Variants in NET1 observed in about 807,000 individuals in gnomAD.
NET1 encodes the protein neuroepithelial cell transforming 1.
A neutral mutation model predicts 61.1 loss-of-function variants in NET1; 42 were observed. That is an observed-to-expected ratio of 0.69 (90% CI 0.54 to 0.89). The LOEUF (loss-of-function observed/expected upper bound fraction) is 0.89. Ranked by LOEUF, NET1 falls within the 40% of genes least tolerant of loss-of-function variation. The pLI is 0.00. For synonymous variants in NET1, 254 were observed against 281.8 expected (o/e 0.90, Z 0.99); for missense variants, 654 against 747.3 (o/e 0.88, Z 1.46).
chr10:5,428,498 T>TAA (rs10685042), intron 2 of NET1, among the ~76,000 whole-genome samples: 87,575 of 132,756 alleles, frequency 0.66, 27,288 homozygotes, highest in Non-Finnish European at 0.74. Flanking sequence ...GTGTTCCTTT[T>TAA]CAAAAAAAAA....
intron 3 of NET1, among the ~76,000 whole-genome samples, chr10:5,445,091 A>G (rs1413830965): frequency 6.6e-6 from 1 of 152,218 alleles, no homozygotes; most frequent in East Asian, 1.9e-4. Context: ...AACACCAGTC[A>G]CATATATCTT....
At chr10:5,445,302 C>T (rs774812018) in intron 3 of NET1, among the ~76,000 whole-genome samples, 8 of 152,170 alleles carry the variant, frequency 5.3e-5, no homozygotes, top group South Asian at 2.1e-4. Context: ...TGTTCCCAGC[C>T]GTGTCTTAGC....
At position 5,451,813 on chromosome 10, in the gene NET1, C is replaced by G; in HGVS notation, c.256-17C>G. On this transcript the variant is annotated splice_polypyrimidine_tract_variant and intron_variant, in intron 3 of 11. Coordinates refer to ENST00000355029, the MANE Select transcript of NET1 (RefSeq NM_001047160.3). This position sits in a 1 kb window ranked among gnomAD's most constrained non-coding sequence, Gnocchi z 6.1. ...CACCTAGACATATATTTAGTGTCAT[C>G]TGGTTTGTTTTTATAGGAGCCAAGC... The G allele has an allele frequency of 6.2e-7, 1 of 1,603,494 alleles. No individual in the cohort carries two copies. Among genetic ancestry groups the G allele is most frequent in the Non-Finnish European group, 8.5e-7 (1 of 1,171,406 alleles).
chr10:5,423,785 A>G lies in NET1; in HGVS notation c.129-2870A>G, dbSNP rs1414703424. On this transcript the variant is annotated intron_variant, in intron 1 of 11. Coordinates refer to ENST00000355029, the MANE Select transcript of NET1 (RefSeq NM_001047160.3). The surrounding 1 kb of genome is among the most constrained non-coding windows in gnomAD (Gnocchi z 4.4). ...CACAAGGATTTAAAATAGCTATTAC[A>G]TTTTGAGTCTGACGCTTGTGAAAAA... 6.6e-6 allele frequency among the ~76,000 whole-genome samples: 1 copy of G among 152,146 alleles called. No individual in the cohort carries two copies. Among genetic ancestry groups the G allele is most frequent in the African/African-American group, 2.4e-5 (1 of 41,436 alleles).
Position 5,441,049 on chromosome 10 carries a change from A to G in NET1, c.256-10781A>G, listed in dbSNP as rs1832517825. ...ACAAGCTGGAGAAGTGAAAGAGAGG[A>G]GGCCCGTGCAGTGTCTAATTAAGCT... On this transcript the variant is annotated intron_variant, in intron 3 of 11. Coordinates refer to ENST00000355029, the MANE Select transcript of NET1 (RefSeq NM_001047160.3). This position sits in a 1 kb window ranked among gnomAD's most constrained non-coding sequence, Gnocchi z 4.6. Among the ~76,000 whole-genome samples the G allele has an allele frequency of 6.6e-6, 1 of 152,210 alleles. No homozygotes were observed. Among genetic ancestry groups the G allele is most frequent in the South Asian group, 2.1e-4 (1 of 4,838 alleles).
chr10:5,453,034 T>C lies in NET1; in HGVS notation c.594+114T>C. The C allele has an allele frequency of 5.0e-6, 4 of 805,656 alleles. No individual in the cohort carries two copies. Among genetic ancestry groups the C allele is most frequent in the Non-Finnish European group, 8.3e-6 (4 of 481,364 alleles). 49.9% of individuals were successfully genotyped at this position (805,656 alleles called of 1,614,324 possible). On this transcript the variant is annotated intron_variant, in intron 6 of 11. Transcript: ENST00000355029. The surrounding 1 kb of genome is among the most constrained non-coding windows in gnomAD (Gnocchi z 4.9). ...TAGAAGAATAGAAAATATCTACTGG[T>C]GAATACATTTTTTTTAGGTGAGGTC... is the stretch of plus-strand genomic sequence containing the variant.
chr10:5,433,072 A>G (rs1268001947), intron 3 of NET1, among the ~76,000 whole-genome samples: 1 of 152,112 alleles, frequency 6.6e-6, no homozygotes, highest in Non-Finnish European at 1.5e-5. Flanking sequence ...AAGTGAGCTT[A>G]TTTTACTTTT....
At chr10:5,436,220 G>C (rs1361679072) in intron 3 of NET1, among the ~76,000 whole-genome samples, 1 of 45,620 alleles carries the variant, frequency 2.2e-5, no homozygotes, top group African/African-American at 9.2e-5. Context: ...GTGTGTGTGT[G>C]TGTGCATATA....
rs1435544407 is a variant in NET1, at chr10:5,424,728, C to T, written c.129-1927C>T. 2.0e-5 allele frequency among the ~76,000 whole-genome samples: 3 copies of T among 152,084 alleles called. No homozygotes were observed. The highest frequency in any genetic ancestry group is 4.8e-5 in the African/African-American group (2 of 41,422). Reference sequence around the variant, plus strand: ...ATCTTAAGATCTTTGCATCTAATTTCTGTTAGTGGCATCATATTTTCCCCA... The same window carrying T: ...ATCTTAAGATCTTTGCATCTAATTTTTGTTAGTGGCATCATATTTTCCCCA... On this transcript the variant is annotated intron_variant, in intron 1 of 11. Coordinates refer to ENST00000355029, the MANE Select transcript of NET1 (RefSeq NM_001047160.3). This position sits in a 1 kb window ranked among gnomAD's most constrained non-coding sequence, Gnocchi z 6.1.
rs1376116461 is a variant in NET1 at position 5,444,038 on chromosome 10, T to C, written c.256-7792T>C. 6.6e-6 allele frequency among the ~76,000 whole-genome samples: 1 copy of C among 152,254 alleles called. No individual in the cohort carries two copies. The highest frequency in any genetic ancestry group is 1.9e-4 in the East Asian group (1 of 5,206). Reference sequence around the variant, plus strand: ...CAGACTGCTGGGGTCTAGCCTAGGCTGTTCATATTAGCTCTGAGAATGTAG... The same window carrying C: ...CAGACTGCTGGGGTCTAGCCTAGGCCGTTCATATTAGCTCTGAGAATGTAG... On this transcript the variant is annotated intron_variant, in intron 3 of 11. Coordinates refer to ENST00000355029, the MANE Select transcript of NET1 (RefSeq NM_001047160.3). The surrounding 1 kb of genome is among the most constrained non-coding windows in gnomAD (Gnocchi z 5.3).
intron 3 of NET1, among the ~76,000 whole-genome samples, chr10:5,436,214 G>GCATATA (rs1387050448): frequency 1.2e-4 from 5 of 40,914 alleles, no homozygotes; most frequent in African/African-American, 3.6e-4. Context: ...GTGTGTGTGT[G>GCATATA]TGTGTGTGTG....
At chr10:5,436,243 TATATA>T (rs1302211049) in intron 3 of NET1, among the ~76,000 whole-genome samples, 2 of 31,474 alleles carry the variant, frequency 6.4e-5, no homozygotes, top group Non-Finnish European at 1.5e-4. Context: ...TATATATATA[TATATA>T]TTTTTTTTTT....
In NET1 at chr10:5,452,957, T is replaced by A. The variant is rs765882960; in HGVS notation, c.594+37T>A. On this transcript the variant is annotated intron_variant, in intron 6 of 11. Coordinates refer to ENST00000355029, the MANE Select transcript of NET1 (RefSeq NM_001047160.3). The surrounding 1 kb of genome is among the most constrained non-coding windows in gnomAD (Gnocchi z 4.0). ...ACTTTTTATCAGATGCCCTAGTTTT[T>A]AAAAATTACATTTCACAAAATCTAA... is the stretch of plus-strand genomic sequence containing the variant. 3.7e-6 allele frequency: 5 copies of A among 1,337,902 alleles called. No individual in the cohort carries two copies. The South Asian group carries it at 6.0e-5, about 16-fold the overall frequency. The allele number at this position is 1,337,902 out of a possible 1,614,324, so 82.9% of individuals were successfully genotyped here.
In NET1 at chr10:5,440,253, C is replaced by G. The variant is rs143042072; in HGVS notation, c.255+11024C>G. ...AACAGCTTCAGGACGTGAGCAATCA[C>G]AGGCTGCTGTCCTTCCCACCTAAAA... is the stretch of plus-strand genomic sequence containing the variant. On this transcript the variant is annotated intron_variant, in intron 3 of 11. Coordinates refer to ENST00000355029, the MANE Select transcript of NET1 (RefSeq NM_001047160.3). This position sits in a 1 kb window ranked among gnomAD's most constrained non-coding sequence, Gnocchi z 4.1. 6.6e-6 allele frequency among the ~76,000 whole-genome samples: 1 copy of G among 152,358 alleles called. No homozygotes were observed. The highest frequency in any genetic ancestry group is 6.5e-5 in the Admixed American group (1 of 15,308).
chr10:5,421,619 T>C lies in NET1; in HGVS notation c.129-5036T>C, dbSNP rs1832175560. Among the ~76,000 whole-genome samples the C allele has an allele frequency of 6.6e-6, 1 of 152,196 alleles. No individual in the cohort carries two copies. The highest frequency in any genetic ancestry group is 2.4e-5 in the African/African-American group (1 of 41,446). ...GCTTGTAAGGCCATGTGGTCCCAAA[T>C]AAGTTGACTATGTTTTTAAATAGTT... is the stretch of plus-strand genomic sequence containing the variant. On this transcript the variant is annotated intron_variant, in intron 1 of 11. Coordinates refer to ENST00000355029, the MANE Select transcript of NET1 (RefSeq NM_001047160.3). This position sits in a 1 kb window ranked among gnomAD's most constrained non-coding sequence, Gnocchi z 4.2.
rs1832699633 is a variant in NET1, at chr10:5,451,403, T to A, written c.256-427T>A. Among the ~76,000 whole-genome samples, 1 of 152,136 alleles carries A rather than the reference T, an allele frequency of 6.6e-6. No homozygotes were observed. Among genetic ancestry groups the A allele is most frequent in the Non-Finnish European group, 1.5e-5 (1 of 68,026 alleles). On this transcript the variant is annotated intron_variant, in intron 3 of 11. Coordinates refer to ENST00000355029, the MANE Select transcript of NET1 (RefSeq NM_001047160.3). This position sits in a 1 kb window ranked among gnomAD's most constrained non-coding sequence, Gnocchi z 6.1. Reference sequence around the variant, plus strand: ...AAGTAGGGACAAAAATGAAACAAATTGTTATACCAGACACTGTGGAGGCCC... The same window carrying A: ...AAGTAGGGACAAAAATGAAACAAATAGTTATACCAGACACTGTGGAGGCCC...
chr10:5,430,409 C>G (rs1385322648), intron 3 of NET1, among the ~76,000 whole-genome samples: 2 of 146,502 alleles, frequency 1.4e-5, no homozygotes, highest in East Asian at 2.0e-4. Context: ...GAGTCTCGCT[C>G]TGTCTCCCAG....
At chr10:5,419,216 G>T (rs1446660008) in intron 1 of NET1, among the ~76,000 whole-genome samples, 1 of 152,074 alleles carries the variant, frequency 6.6e-6, no homozygotes, top group Non-Finnish European at 1.5e-5. Flanking sequence ...CTTGCTGTTT[G>T]CATGATACGT....
At chr10:5,414,810 G>A (rs2119160211) in intron 1 of NET1, among the ~76,000 whole-genome samples, 2 of 152,286 alleles carry the variant, frequency 1.3e-5, no homozygotes, top group Admixed American at 1.3e-4. Context: ...CAAGGTAGAG[G>A]ATTTAGCCTA....
Sources: gnomAD v4.1 joint callset for allele counts (sites outside exome capture counted in the v4.1 genomes callset) on GRCh38, gnomAD v4.1.1 for gene constraint, Gnocchi (gnomAD v3.1) non-coding constraint, MANE v1.5 for transcripts, NCBI Gene and HGNC (gene_info 2026-07-23, HGNC 2026-07-21) for gene names.